Variants in SGCZ observed in about 807,000 individuals in gnomAD.
SGCZ encodes the protein sarcoglycan zeta, also known as zeta-sarcoglycan.
Under a neutral mutation model 41.3 loss-of-function variants are expected in SGCZ, and 40 were observed. The ratio of observed to expected loss-of-function variants is 0.97; its 90% CI spans 0.75 to 1.26. The LOEUF (loss-of-function observed/expected upper bound fraction) is 1.26. SGCZ is among the 50% of genes most tolerant of loss of function. The pLI is 0.00. For missense variants in SGCZ, 552 were observed against 369.8 expected, an observed-to-expected ratio of 1.49 and a Z score of -4.04; for synonymous variants, 206 against 137.5, an observed-to-expected ratio of 1.50 and a Z score of -3.49.
chr8:14,771,426 A>G (rs146351540), intron 1 of SGCZ, among the ~76,000 whole-genome samples: 109 of 152,244 alleles, frequency 7.2e-4, no homozygotes, highest in African/African-American at 2.5e-3. Context: ...CATCTCCCTT[A>G]ACTGTACTTT....
chr8:14,966,787 G>A (rs960184263), intron 1 of SGCZ, among the ~76,000 whole-genome samples: 1 of 152,138 alleles, frequency 6.6e-6, no homozygotes. Flanking sequence ...ATCCAAGATG[G>A]AGAAGTTTAG....
At chr8:14,840,985 T>C (rs1802886256) in intron 1 of SGCZ, among the ~76,000 whole-genome samples, 1 of 152,108 alleles carries the variant, frequency 6.6e-6, no homozygotes, top group Non-Finnish European at 1.5e-5. Flanking sequence ...ATGAAGTCAG[T>C]CTTACAATTT....
intron 2 of SGCZ, among the ~76,000 whole-genome samples, chr8:14,442,782 G>A (rs1440170321): frequency 1.3e-5 from 2 of 152,120 alleles, no homozygotes; most frequent in Non-Finnish European, 2.9e-5. Context: ...CAAAGCCACT[G>A]CACAAACTAA....
chr8:14,675,977 C>A (rs1285051591), intron 1 of SGCZ, among the ~76,000 whole-genome samples: 1 of 152,122 alleles, frequency 6.6e-6, no homozygotes, highest in Non-Finnish European at 1.5e-5. Flanking sequence ...GAAACACCTG[C>A]AGAGTGGTTC....
chr8:14,988,512 A>C (rs1005945831), intron 1 of SGCZ, among the ~76,000 whole-genome samples: 1 of 152,046 alleles, frequency 6.6e-6, no homozygotes, highest in African/African-American at 2.4e-5. Flanking sequence ...ATATGGATTG[A>C]GAATAGTGTT....
At chr8:14,569,320 A>T (rs1425924965) in intron 1 of SGCZ, among the ~76,000 whole-genome samples, 2 of 152,132 alleles carry the variant, frequency 1.3e-5, no homozygotes, top group African/African-American at 4.8e-5. Flanking sequence ...ATTATTTTTT[A>T]TTTCTCATAC....
intron 1 of SGCZ, among the ~76,000 whole-genome samples, chr8:15,171,277 G>T (rs1032558740): frequency 1.3e-5 from 2 of 152,074 alleles, no homozygotes; most frequent in Non-Finnish European, 1.5e-5. Context: ...GATTGTGCAG[G>T]GTAAAAGAAT....
chr8:14,434,926 A>T (rs1432820706), intron 2 of SGCZ, among the ~76,000 whole-genome samples: 2 of 152,142 alleles, frequency 1.3e-5, no homozygotes, highest in African/African-American at 4.8e-5. Context: ...TCCTCACCAG[A>T]CACCACATCT....
chr8:14,412,010 G>T (rs772314309), intron 2 of SGCZ, among the ~76,000 whole-genome samples: 1 of 152,060 alleles, frequency 6.6e-6, no homozygotes, highest in Non-Finnish European at 1.5e-5. Context: ...ATGCAAGGGC[G>T]TGCATCTTCT....
At chr8:14,689,261 G>T (rs973664063) in intron 1 of SGCZ, among the ~76,000 whole-genome samples, 6 of 152,038 alleles carry the variant, frequency 3.9e-5, no homozygotes, top group Non-Finnish European at 8.8e-5. Context: ...GAAAAAGTTT[G>T]AATAACTTAA....
intron 1 of SGCZ, among the ~76,000 whole-genome samples, chr8:14,814,470 G>T (rs1260342205): frequency 6.6e-6 from 1 of 152,146 alleles, no homozygotes; most frequent in East Asian, 1.9e-4. Flanking sequence ...GAAACAAAAG[G>T]CACCGGAGGC....
chr8:14,143,359 A>T (rs1803429650), intron 5 of SGCZ, among the ~76,000 whole-genome samples: 1 of 152,182 alleles, frequency 6.6e-6, no homozygotes, highest in African/African-American at 2.4e-5. Context: ...ATACAGGTTA[A>T]AAAGGAAGAA....
At chr8:14,241,522 T>C (rs1487796666) in intron 3 of SGCZ, among the ~76,000 whole-genome samples, 1 of 144,878 alleles carries the variant, frequency 6.9e-6, no homozygotes, top group Non-Finnish European at 1.5e-5. Flanking sequence ...ATATATAGCA[T>C]GATATACTAA....
chr8:14,856,059 C>T (rs1457899699), intron 1 of SGCZ, among the ~76,000 whole-genome samples: 1 of 152,096 alleles, frequency 6.6e-6, no homozygotes, highest in Non-Finnish European at 1.5e-5. Flanking sequence ...AACCCTATGA[C>T]TAATACATTG....
At chr8:14,985,715 C>G (rs1397008467) in intron 1 of SGCZ, among the ~76,000 whole-genome samples, 4 of 152,112 alleles carry the variant, frequency 2.6e-5, no homozygotes, top group African/African-American at 7.2e-5. Context: ...TTTAGGACAT[C>G]AGAAAAACAA....
At chr8:14,508,599 T>C (rs1802376487) in intron 2 of SGCZ, among the ~76,000 whole-genome samples, 1 of 152,174 alleles carries the variant, frequency 6.6e-6, no homozygotes, top group Admixed American at 6.6e-5. Flanking sequence ...ATTCCATAAA[T>C]GTGCCTTGGT....
At chr8:14,359,835 A>G (rs1403751474) in intron 2 of SGCZ, among the ~76,000 whole-genome samples, 1 of 152,016 alleles carries the variant, frequency 6.6e-6, no homozygotes, top group Non-Finnish European at 1.5e-5. Flanking sequence ...AAAAACAAAT[A>G]TCCCGGATGA....
chr8:14,384,233 G>A (rs1033544511), intron 2 of SGCZ, among the ~76,000 whole-genome samples: 1 of 151,944 alleles, frequency 6.6e-6, no homozygotes, highest in African/African-American at 2.4e-5. Flanking sequence ...TTTTGTCCTT[G>A]CGATAGTTTG....
At chr8:14,604,137 AAC>A (rs1305127673) in intron 1 of SGCZ, among the ~76,000 whole-genome samples, 1 of 152,112 alleles carries the variant, frequency 6.6e-6, no homozygotes, top group Admixed American at 6.5e-5. Context: ...AACATGAAAA[AAC>A]ACTTATCAAA....
Sources: allele counts gnomAD v4.1 joint callset (sites outside exome capture counted in the v4.1 genomes callset), GRCh38; gene constraint gnomAD v4.1.1; transcripts MANE v1.5; gene names NCBI Gene and HGNC (gene_info 2026-07-23, HGNC 2026-07-21).